Variants in AMBRA1 observed in about 807,000 individuals in gnomAD.
The protein encoded by AMBRA1 is activating molecule in BECN1-regulated autophagy protein 1.
A neutral mutation model predicts 125.4 loss-of-function variants in AMBRA1; 47 were observed. The observed-to-expected ratio is 0.37, with a 90% CI of 0.30 to 0.48. AMBRA1 has a LOEUF of 0.48. AMBRA1 is among the 20% of genes least tolerant of loss of function. The probability of loss-of-function intolerance (pLI) is 0.99; values close to 1 mark genes in which losing one functional copy is unlikely to be tolerated. For missense variants in AMBRA1, 1,331 were observed against 1,693.4 expected (o/e 0.79, Z 3.76); for synonymous variants, 626 against 655.5 (o/e 0.95, Z 0.69).
intron 11 of AMBRA1, among the ~76,000 whole-genome samples, chr11:46,447,221 C>G (rs142539782): frequency 2.8e-4 from 43 of 151,040 alleles, no homozygotes; most frequent in African/African-American, 9.5e-4. Flanking sequence ...CCAGCCTGGA[C>G]AGAGTGAGAC....
intron 11 of AMBRA1, among the ~76,000 whole-genome samples, chr11:46,456,353 A>G (rs1948844671): frequency 6.6e-6 from 1 of 152,172 alleles, no homozygotes; most frequent in Non-Finnish European, 1.5e-5. Context: ...CCACTAATAC[A>G]TTCCCCACAA....
chr11:46,447,679 C>A (rs185385770), intron 11 of AMBRA1, among the ~76,000 whole-genome samples: 2 of 152,120 alleles, frequency 1.3e-5, no homozygotes, highest in East Asian at 3.9e-4. Context: ...CACTGCACTA[C>A]AGCCTGGGTT....
chr11:46,511,036 A>T (rs1220833976), intron 8 of AMBRA1, among the ~76,000 whole-genome samples: 1 of 152,238 alleles, frequency 6.6e-6, no homozygotes, highest in African/African-American at 2.4e-5. Flanking sequence ...ACCACGAAGT[A>T]TGACACTTTC....
At chr11:46,417,122 G>A (rs781454511) in intron 15 of AMBRA1, among the ~76,000 whole-genome samples, 1 of 151,802 alleles carries the variant, frequency 6.6e-6, no homozygotes, top group African/African-American at 2.4e-5. Context: ...CATGATGTCA[G>A]CTCACTGCAA....
At position 46,518,157 on chromosome 11, in the gene AMBRA1, C is replaced by T. The variant is rs1249665923; in HGVS notation, c.2073-5344G>A. ...CAGAAGAATTACTCACGGCCAGGCG[C>T]GGTGGCTCACGCCTGTAATCCCAGC... is the stretch of plus-strand genomic sequence containing the variant. On this transcript the variant is annotated intron_variant, in intron 7 of 17. Transcript: ENST00000683756. The T allele has an allele frequency of 8.3e-6, 8 of 966,968 alleles. No individual in the cohort carries two copies. In the African/African-American group the frequency reaches 1.1e-4, roughly 13 times the overall value. 59.9% of individuals were successfully genotyped at this position (966,968 alleles called of 1,614,324 possible).
intron 11 of AMBRA1, among the ~76,000 whole-genome samples, chr11:46,449,748 T>C (rs111600181): frequency 0.023 from 3,463 of 152,188 alleles, 132 homozygotes; most frequent in African/African-American, 0.079. Flanking sequence ...AATTGGAGGA[T>C]TGACACAACC....
At chr11:46,568,885 C>G (rs2043644366) in intron 1 of AMBRA1, among the ~76,000 whole-genome samples, 1 of 144,902 alleles carries the variant, frequency 6.9e-6, no homozygotes, top group Non-Finnish European at 1.5e-5. Flanking sequence ...CAGCTCACTG[C>G]AACCTCCGCC....
chr11:46,520,140 GA>G (rs35213610), intron 7 of AMBRA1, among the ~76,000 whole-genome samples: 29,461 of 108,428 alleles, frequency 0.27, 3,476 homozygotes, highest in African/African-American at 0.42. Context: ...ACTCCGCCTC[GA>G]AAAAAAAAAA....
intron 7 of AMBRA1, among the ~76,000 whole-genome samples, chr11:46,529,370 G>T (rs1023192195): frequency 6.6e-6 from 1 of 152,168 alleles, no homozygotes; most frequent in Non-Finnish European, 1.5e-5. Context: ...AGCTTCTCAG[G>T]TGAGGGGGCT....
chr11:46,500,869 A>G (rs1215685983), intron 9 of AMBRA1, among the ~76,000 whole-genome samples: 5 of 152,182 alleles, frequency 3.3e-5, no homozygotes, highest in Non-Finnish European at 7.3e-5. Flanking sequence ...CTCTCCTAGT[A>G]TTTTAGTGGT....
intron 14 of AMBRA1, among the ~76,000 whole-genome samples, chr11:46,422,009 G>T (rs1184925025): frequency 1.3e-5 from 2 of 152,222 alleles, no homozygotes; most frequent in East Asian, 3.9e-4. Context: ...GCTCCCCATG[G>T]GATGTTCAGA....
intron 11 of AMBRA1, among the ~76,000 whole-genome samples, chr11:46,484,972 T>C (rs1346251457): frequency 7.0e-6 from 1 of 142,762 alleles, no homozygotes; most frequent in Non-Finnish European, 1.5e-5. Flanking sequence ...AATCTCACTC[T>C]TGTCCCCCAG....
At chr11:46,411,290 C>A (rs1326022258) in intron 15 of AMBRA1, among the ~76,000 whole-genome samples, 1 of 152,148 alleles carries the variant, frequency 6.6e-6, no homozygotes, top group African/African-American at 2.4e-5. Flanking sequence ...AGCAAACATC[C>A]CCAAGTGAGT....
At chr11:46,547,656 A>G (rs987736125) in intron 3 of AMBRA1, among the ~76,000 whole-genome samples, 161 bp downstream of exon 3, 1 of 152,112 alleles carries the variant, frequency 6.6e-6, no homozygotes, top group African/African-American at 2.4e-5. Flanking sequence ...TCAGGTTAGC[A>G]CTGCTCATCT....
At position 46,416,957 on chromosome 11, in the gene AMBRA1, G is replaced by A. The variant is rs147352334; in HGVS notation, c.3116+956C>T. ...AAACTCTGACCTCCATAAAGCCAGA[G>A]GAAGGGGAAGGGGTGTCATCAGGAC... On this transcript the variant is annotated intron_variant, in intron 15 of 17. Coordinates refer to ENST00000683756, the MANE Select transcript of AMBRA1 (RefSeq NM_001387011.1). Among the ~76,000 whole-genome samples, 862 of 152,274 alleles carry A rather than the reference G, an allele frequency of 5.7e-3. 7 individuals carry two copies. Among genetic ancestry groups the A allele is most frequent in the Middle Eastern group, 0.014 (4 of 294 alleles).
intron 7 of AMBRA1, among the ~76,000 whole-genome samples, chr11:46,519,029 A>G (rs1951642304): frequency 6.6e-6 from 1 of 152,092 alleles, no homozygotes; most frequent in Non-Finnish European, 1.5e-5. Flanking sequence ...TCATTATTTT[A>G]TTTTATTTCA....
intron 9 of AMBRA1, among the ~76,000 whole-genome samples, chr11:46,498,400 TA>T (rs1950714921): frequency 6.6e-6 from 1 of 152,152 alleles, no homozygotes; most frequent in Non-Finnish European, 1.5e-5. Flanking sequence ...GCTGGGTTAT[TA>T]ATGGCTTTCC....
intron 7 of AMBRA1, among the ~76,000 whole-genome samples, chr11:46,523,575 A>G (rs1951845792): frequency 6.6e-6 from 1 of 152,216 alleles, no homozygotes. Flanking sequence ...CCTGTACTAT[A>G]ATCAGAAGAT....
intron 14 of AMBRA1, chr11:46,428,548 C>T (rs749413965): frequency 5.5e-5 from 56 of 1,025,598 alleles, no homozygotes; most frequent in East Asian, 2.1e-4. Context: ...GGATCTGCAG[C>T]GATTAGGCAA....
Sources: gnomAD v4.1 joint callset for allele counts (sites outside exome capture counted in the v4.1 genomes callset) on GRCh38, gnomAD v4.1.1 for gene constraint, MANE v1.5 for transcripts, NCBI Gene and HGNC (gene_info 2026-07-23, HGNC 2026-07-21) for gene names.